Variants in CYP7A1 observed in about 807,000 individuals in gnomAD.
CYP7A1 encodes cytochrome P450 family 7 subfamily A member 1, also known as cytochrome P450 7A1.
Under a neutral mutation model 43.8 loss-of-function variants are expected in CYP7A1, and 28 were observed. The ratio of observed to expected loss-of-function variants is 0.64; its 90% CI spans 0.47 to 0.88. The LOEUF is 0.88. CYP7A1 is among the 40% of genes least tolerant of loss of function. The pLI is 0.00. For missense variants in CYP7A1, 637 were observed against 611.9 expected (o/e 1.04, Z -0.43); for synonymous variants, 227 against 222.5 (o/e 1.02, Z -0.18).
chr8:58,491,356 A>G lies in CYP7A1; in HGVS notation c.*119T>C. 1.0e-6 allele frequency: 1 copy of G among 974,580 alleles called. No individual in the cohort carries two copies. Among genetic ancestry groups the G allele is most frequent in the Non-Finnish European group, 1.6e-6 (1 of 635,790 alleles). 60.4% of individuals were successfully genotyped at this position (974,580 alleles called of 1,614,324 possible). On this transcript the variant is annotated 3_prime_UTR_variant, in exon 6 of 6. Coordinates refer to ENST00000301645, the MANE Select transcript of CYP7A1 (RefSeq NM_000780.4). Reference sequence around the variant, plus strand: ...TCACAAGCAAGCACTGGTGAACAACATTGGACCTGGTGAATCATTTCTACC... The same window carrying G: ...TCACAAGCAAGCACTGGTGAACAACGTTGGACCTGGTGAATCATTTCTACC...
At chr8:58,494,902 G>A (rs760996449) in intron 3 of CYP7A1, among the ~76,000 whole-genome samples, 1 of 152,196 alleles carries the variant, frequency 6.6e-6, no homozygotes, top group African/African-American at 2.4e-5. Flanking sequence ...TTGGGAGGCC[G>A]AGGCGGGCGG....
rs759944158 is a variant in CYP7A1, at chr8:58,497,134, G to A, written c.378C>T (p.Asn126=). The change falls in exon 3 of 6, where the codon AAC becomes AAT. Residue 126 remains asparagine, a synonymous_variant. Coordinates refer to ENST00000301645, the MANE Select transcript of CYP7A1 (RefSeq NM_000780.4). The part of the protein sequence containing the change: ...PMDGNTTENI[N]DTFIKTLQGH... The stretch of plus-strand genomic sequence containing the variant: ...CCTGCAGGGTTTTGATGAAAGTGTC[G>A]TTTATGTTTTCAGTGGTATTTCCAT... 5.6e-6 allele frequency: 9 copies of A among 1,599,650 alleles called. No homozygotes were observed. The highest frequency in any genetic ancestry group is 3.3e-5 in the Admixed American group (2 of 59,994).
intron 4 of CYP7A1, among the ~76,000 whole-genome samples, chr8:58,494,069 A>G (rs1809400926): frequency 6.6e-6 from 1 of 152,240 alleles, no homozygotes; most frequent in South Asian, 2.1e-4. Context: ...AAAGCAGAAC[A>G]AAGAAAAATC....
chr8:58,491,647 A>C lies in CYP7A1; in HGVS notation c.1343T>G (p.Leu448Trp), dbSNP rs754119848. The C allele has an allele frequency of 2.5e-6, 4 of 1,614,232 alleles. No homozygotes were observed. The South Asian group carries it at 4.4e-5, about 18-fold the overall frequency. The change falls in exon 6 of 6, where the codon TTG becomes TGG. Residue 448 changes from leucine (L) to tryptophan (W), a missense_variant. Leu to Trp is a moderately conservative substitution (Grantham distance 61, BLOSUM62 -2). Transcript: ENST00000301645. Reference protein sequence around the residue: ...GSGATICPGRLFAIHEIKQFL... With the variant: ...GSGATICPGRWFAIHEIKQFL... Reference sequence around the variant, plus strand: ...TTGCTTGATTTCGTGGATAGCGAACAATCTTCCAGGACATATTGTAGCTCC... The same window carrying C: ...TTGCTTGATTTCGTGGATAGCGAACCATCTTCCAGGACATATTGTAGCTCC...
intron 4 of CYP7A1, 50 bp from the exon 5 acceptor site, chr8:58,492,578 G>C: frequency 1.3e-4 from 183 of 1,416,966 alleles, no homozygotes; most frequent in Non-Finnish European, 1.7e-4. Context: ...AGGAAGGGAG[G>C]AAGGAAGAGA....
In CYP7A1 at chr8:58,496,610, A is replaced by G. The variant is rs745559202; in HGVS notation, c.902T>C (p.Met301Thr). ...TGGATATGGCGTTAGTCACCTAATCATTTGAAATAAACTCCAGAAAGTCGC... is the reference window on the plus strand; with the variant it reads ...TGGATATGGCGTTAGTCACCTAATCGTTTGAAATAAACTCCAGAAAGTCGC... ...IPATFWSLFQMIRNPEAMKAA... is the reference protein window; with the variant it reads ...IPATFWSLFQTIRNPEAMKAA... Residue 301 changes from methionine (M) to threonine (T), a missense_variant, in exon 3 of 6, where the codon ATG (methionine) becomes ACG (threonine). By Grantham distance (81) the Met-to-Thr change is moderately conservative. Coordinates refer to ENST00000301645, the MANE Select transcript of CYP7A1 (RefSeq NM_000780.4). 6 of 1,613,124 alleles carry G rather than the reference A, an allele frequency of 3.7e-6. No individual in the cohort carries two copies. Among genetic ancestry groups the G allele is most frequent in the South Asian group, 1.1e-5 (1 of 91,056 alleles).
At chr8:58,499,712 T>G (rs1001597648) in intron 1 of CYP7A1, among the ~76,000 whole-genome samples, 1 of 152,152 alleles carries the variant, frequency 6.6e-6, no homozygotes, top group African/African-American at 2.4e-5. Flanking sequence ...GGCTTCCTCT[T>G]TAGATACACA....
At position 58,491,561 on chromosome 8, in the gene CYP7A1, G is replaced by T; in HGVS notation, c.1429C>A (p.Pro477Thr). The T allele has an allele frequency of 6.2e-7, 1 of 1,614,146 alleles. No individual in the cohort carries two copies. Residue 477 changes from proline (P) to threonine (T), a missense_variant, in exon 6 of 6, where the codon CCA becomes ACA. Physicochemically the swap from Pro to Thr is conservative, Grantham distance 38. Transcript: ENST00000301645. ...LELIEGQAKC[P>T]PLDQSRAGLG... ...CCTGCCCGGGACTGGTCCAAAGGTGGACATTTAGCTTGGCCCTCTATAAGC... is the reference window on the plus strand; with the variant it reads ...CCTGCCCGGGACTGGTCCAAAGGTGTACATTTAGCTTGGCCCTCTATAAGC...
At position 58,492,386 on chromosome 8, in the gene CYP7A1, C is replaced by T. The variant is rs750037867; in HGVS notation, c.1182G>A (p.Met394Ile). The T allele has an allele frequency of 2.5e-6, 4 of 1,614,032 alleles. No individual in the cohort carries two copies. Among genetic ancestry groups the T allele is most frequent in the Middle Eastern group, 1.7e-4 (1 of 6,060 alleles). Residue 394 changes from methionine (M) to isoleucine (I), a missense_variant, in exon 5 of 6, where the codon ATG becomes ATA. Transcript: ENST00000301645. The stretch of plus-strand genomic sequence containing the variant: ...CTGGGTAGATTTCTGGATCTAAGTG[C>T]ATTAACTGTGGGTAAAGAGCTATGA... ...DDIIALYPQL[M>I]HLDPEIYPDP...
intron 3 of CYP7A1, among the ~76,000 whole-genome samples, chr8:58,495,717 A>T (rs1227206509): frequency 6.6e-6 from 1 of 152,234 alleles, no homozygotes; most frequent in Non-Finnish European, 1.5e-5. Flanking sequence ...ATGTGAATTT[A>T]TTCTGGATGT....
chr8:58,492,447 A>T lies in CYP7A1; in HGVS notation c.1121T>A (p.Leu374His), dbSNP rs1232031956. Reference sequence around the variant, plus strand: ...TCGGATGTTGTAGGAACCGTCCTCAAGGTGCAAAGTGAAATCCTCCTTAGC... The same window carrying T: ...TCGGATGTTGTAGGAACCGTCCTCATGGTGCAAAGTGAAATCCTCCTTAGC... ...RTAKEDFTLH[L>H]EDGSYNIRKD... is the part of the protein sequence containing the mutation. Residue 374 changes from leucine to histidine, a missense_variant, in exon 5 of 6, where the codon CTT becomes CAT. Physicochemically the swap from Leu to His is moderately conservative, Grantham distance 99 (BLOSUM62 -3). Transcript: ENST00000301645. 1.2e-6 allele frequency: 2 copies of T among 1,614,072 alleles called. No individual in the cohort carries two copies. Among genetic ancestry groups the T allele is most frequent in the Non-Finnish European group, 1.7e-6 (2 of 1,179,932 alleles).
chr8:58,498,977 C>T (rs576353328), intron 1 of CYP7A1, among the ~76,000 whole-genome samples: 2 of 152,066 alleles, frequency 1.3e-5, no homozygotes, highest in African/African-American at 4.8e-5. Context: ...ATATTATATT[C>T]TATAAGGATG....
intron 1 of CYP7A1, 31 bp from the exon 2 acceptor site, chr8:58,498,500 A>G (rs775477625): frequency 1.9e-6 from 3 of 1,613,434 alleles, no homozygotes; most frequent in Admixed American, 1.7e-5. Context: ...ATAGACATGG[A>G]TGATTACAGT....
At chr8:58,494,482 A>T (rs1357520026) in intron 4 of CYP7A1, 24 bp downstream of exon 4, 1 of 1,612,500 alleles carries the variant, frequency 6.2e-7, no homozygotes. Flanking sequence ...AGAAAATGAA[A>T]CTCAACATAA....
chr8:58,498,489 G>A lies in CYP7A1; in HGVS notation c.81-20C>T. On this transcript the variant is annotated intron_variant, in intron 1 of 5. Coordinates refer to ENST00000301645, the MANE Select transcript of CYP7A1 (RefSeq NM_000780.4). ...GTTTGCCTGTCAGACACAAGTGTATGATAGACATGGATGATTACAGTTTTG... is the reference window on the plus strand; with the variant it reads ...GTTTGCCTGTCAGACACAAGTGTATAATAGACATGGATGATTACAGTTTTG... 1 of 1,613,682 alleles carries A rather than the reference G, an allele frequency of 6.2e-7. No homozygotes were observed. Among genetic ancestry groups the A allele is most frequent in the Non-Finnish European group, 8.5e-7 (1 of 1,179,738 alleles).
intron 3 of CYP7A1, among the ~76,000 whole-genome samples, chr8:58,495,215 T>TTCTATTTATTTTATTTA (rs369276545): frequency 1.7e-3 from 241 of 143,454 alleles, no homozygotes; most frequent in Middle Eastern, 7.3e-3. Flanking sequence ...TTTATTTTAT[T>TTCTATTTATTTTATTTA]TTTATTTATT....
chr8:58,494,031 A>G (rs1365922855), intron 4 of CYP7A1, among the ~76,000 whole-genome samples: 1 of 152,172 alleles, frequency 6.6e-6, no homozygotes, highest in African/African-American at 2.4e-5. Context: ...TAAAAATATC[A>G]TATTGTTATA....
intron 3 of CYP7A1, among the ~76,000 whole-genome samples, chr8:58,496,045 A>C (rs1337050668): frequency 1.3e-5 from 2 of 152,250 alleles, no homozygotes; most frequent in Admixed American, 6.5e-5. Flanking sequence ...TAAAAAGCAC[A>C]ACCTAGCTAA....
chr8:58,497,440 T>C (rs1189941768), intron 2 of CYP7A1, among the ~76,000 whole-genome samples: 1 of 152,232 alleles, frequency 6.6e-6, no homozygotes, highest in Non-Finnish European at 1.5e-5. Flanking sequence ...CTACTGCACT[T>C]ATTTACAGCT....
Sources: gnomAD v4.1 joint callset for allele counts (sites outside exome capture counted in the v4.1 genomes callset) on GRCh38, gnomAD v4.1.1 for gene constraint, MANE v1.5 for transcripts, NCBI Gene and HGNC (gene_info 2026-07-23, HGNC 2026-07-21) for gene names.